CTBP2: variants seen among roughly 807,000 people sequenced by gnomAD.
The protein encoded by CTBP2 is C-terminal binding protein 2.
Under a neutral mutation model 80.3 loss-of-function variants are expected in CTBP2, and 30 were observed. The ratio of observed to expected loss-of-function variants is 0.37; its 90% CI spans 0.28 to 0.51. The LOEUF (loss-of-function observed/expected upper bound fraction) is 0.51. Ranked by LOEUF, CTBP2 falls within the 20% of genes least tolerant of loss-of-function variation. The pLI is 0.93. For synonymous variants in CTBP2, 594 were observed against 587.4 expected, an observed-to-expected ratio of 1.01 and a Z score of -0.16; for missense variants, 1,212 against 1,375.3, an observed-to-expected ratio of 0.88 and a Z score of 1.88.
intron 1 of CTBP2, among the ~76,000 whole-genome samples, chr10:125,128,272 G>A (rs995836899): frequency 6.6e-6 from 1 of 152,196 alleles, no homozygotes; most frequent in Non-Finnish European, 1.5e-5. Context: ...ATGCAAAACA[G>A]TGGGCACAGA....
intron 2 of CTBP2, among the ~76,000 whole-genome samples, chr10:125,068,634 G>A (rs961168529): frequency 2.0e-5 from 3 of 152,200 alleles, no homozygotes; most frequent in African/African-American, 7.2e-5. Flanking sequence ...TGGCCAGGGT[G>A]CAAAGGTCTT....
At position 124,989,515 on chromosome 10, in the gene CTBP2, C is replaced by G. The variant is rs1489337168; in HGVS notation, c.*3G>C. 6.2e-7 allele frequency: 1 copy of G among 1,612,332 alleles called. No homozygotes were observed. The highest frequency in any genetic ancestry group is 8.5e-7 in the Non-Finnish European group (1 of 1,179,770). On this transcript the variant is annotated 3_prime_UTR_variant, in exon 9 of 9. Transcript: ENST00000309035. ...CTGAGTGATTACCTTCTGGCATTCT[C>G]TGCTATTGCTCGTTGGGGTGCTCTC...
At chr10:125,111,824 G>A (rs374959147) in intron 1 of CTBP2, among the ~76,000 whole-genome samples, 20 of 152,276 alleles carry the variant, frequency 1.3e-4, no homozygotes, top group African/African-American at 3.4e-4. Context: ...CTCCTTCTGC[G>A]GCTGATGGGG....
In CTBP2 at chr10:125,027,813, T is replaced by A; in HGVS notation, c.-54A>T. 1.4e-6 allele frequency: 2 copies of A among 1,457,856 alleles called. No individual in the cohort carries two copies. Among genetic ancestry groups the A allele is most frequent in the Non-Finnish European group, 1.8e-6 (2 of 1,107,796 alleles). The allele number at this position is 1,457,856 out of a possible 1,614,324, so 90.3% of individuals were successfully genotyped here. A position where few individuals can be genotyped will look rare whatever the true frequency, so the allele number is the denominator to read the frequency against. On this transcript the variant is annotated 5_prime_UTR_variant, in exon 1 of 9. Coordinates refer to ENST00000309035, the MANE Select transcript of CTBP2 (RefSeq NM_022802.3). ...GAGGAGAAGCTTTTCTTTATAAATC[T>A]TCAATTACATACATCAAAAACAGAC...
chr10:125,093,400 A>G (rs1849076929), intron 2 of CTBP2, among the ~76,000 whole-genome samples: 2 of 152,188 alleles, frequency 1.3e-5, no homozygotes, highest in Admixed American at 6.5e-5. Context: ...ACTTCTTTGT[A>G]TATGTGAAAA....
chr10:125,073,899 C>T (rs1845896237), intron 2 of CTBP2, among the ~76,000 whole-genome samples: 1 of 152,192 alleles, frequency 6.6e-6, no homozygotes, highest in Admixed American at 6.5e-5. Context: ...TCATCTTTCC[C>T]AGGACGGTCT....
chr10:125,003,515 C>A, intron 1 of CTBP2, 23 bp from the exon 4 acceptor site: 1 of 1,528,638 alleles, frequency 6.5e-7, no homozygotes, highest in Non-Finnish European at 8.8e-7. Flanking sequence ...AAGGGGTGAG[C>A]ACAGTGGGTG....
rs148416442 is a variant in CTBP2, at chr10:125,027,277, G to C, written c.483C>G (p.Ala161=). Residue 161 remains alanine, a synonymous_variant, in exon 1 of 9, where the codon GCC becomes GCG. Coordinates refer to ENST00000309035, the MANE Select transcript of CTBP2 (RefSeq NM_022802.3). ...CTCCAGGATCCCGGTACAGGTGACC[G>C]GCGTCCTGCAGGGCAGGTGACCGGC... 1.2e-6 allele frequency: 2 copies of C among 1,613,592 alleles called. No individual in the cohort carries two copies. The highest frequency in any genetic ancestry group is 1.7e-6 in the Non-Finnish European group (2 of 1,179,946).
chr10:125,072,180 C>T (rs935986048), intron 2 of CTBP2, among the ~76,000 whole-genome samples: 6 of 152,088 alleles, frequency 3.9e-5, no homozygotes, highest in African/African-American at 7.2e-5. Flanking sequence ...GGCATGGTGG[C>T]GTGCGCCTGT....
intron 2 of CTBP2, among the ~76,000 whole-genome samples, chr10:125,084,233 G>C (rs1199496750): frequency 4.6e-5 from 7 of 152,358 alleles, no homozygotes; most frequent in Middle Eastern, 3.4e-3. Context: ...GGGATTACAG[G>C]TGTGAGCCAC....
intron 1 of CTBP2, among the ~76,000 whole-genome samples, chr10:125,123,507 A>G (rs1004625134): frequency 6.6e-6 from 1 of 152,198 alleles, no homozygotes; most frequent in Non-Finnish European, 1.5e-5. Flanking sequence ...AATAAGTTTA[A>G]TTTTTAAAAT....
intron 3 of CTBP2, 70 bp downstream of exon 3, chr10:125,038,927 G>C: frequency 6.6e-7 from 1 of 1,506,694 alleles, no homozygotes; most frequent in Non-Finnish European, 9.1e-7. Context: ...GCCAACTCAA[G>C]GGAGCAGCCA....
At chr10:125,023,065 T>C (rs1344630565) in intron 1 of CTBP2, among the ~76,000 whole-genome samples, 1 of 152,196 alleles carries the variant, frequency 6.6e-6, no homozygotes, top group Non-Finnish European at 1.5e-5. Context: ...CCAGCTCTGG[T>C]GACAGGTAAC....
chr10:125,158,535 G>A (rs1591165170), intron 1 of CTBP2: 1 of 152,128 alleles, frequency 6.6e-6, no homozygotes, highest in South Asian at 2.1e-4. Context: ...GAATTCTCTT[G>A]TCTATCCTTC....
At chr10:125,089,290 G>T in intron 2 of CTBP2, among the ~76,000 whole-genome samples, 1 of 152,176 alleles carries the variant, frequency 6.6e-6, no homozygotes, top group East Asian at 1.9e-4. Context: ...AACATCTGGA[G>T]ATTCTAAAGT....
chr10:125,137,204 GGAA>G (rs1035409989), intron 1 of CTBP2, among the ~76,000 whole-genome samples: 6 of 152,238 alleles, frequency 3.9e-5, no homozygotes, highest in Admixed American at 3.3e-4. Flanking sequence ...CAAGACAACA[GGAA>G]GAAGGATGCA....
At chr10:125,148,144 C>G (rs191484774) in intron 1 of CTBP2, among the ~76,000 whole-genome samples, 2 of 152,310 alleles carry the variant, frequency 1.3e-5, no homozygotes, top group African/African-American at 4.8e-5. Flanking sequence ...AGGACCATCT[C>G]TCCTTGGGCC....
At position 125,061,825 on chromosome 10, in the gene CTBP2, C is replaced by T. The variant is rs114815212; in HGVS notation, c.-101-22670G>A. On this transcript the variant is annotated intron_variant, in intron 2 of 10. Coordinates refer to the CTBP2 transcript ENST00000337195. ...TGAGAGGAGCAGCTGTAGCAATAAG[C>T]AGGCTCCCCGGCTCACGGCATCCTG... Among the ~76,000 whole-genome samples, 1,249 of 152,312 alleles carry T rather than the reference C, an allele frequency of 8.2e-3. 19 individuals are homozygous for T. Among genetic ancestry groups the T allele is most frequent in the African/African-American group, 0.029 (1,187 of 41,568 alleles).
At chr10:125,114,708 G>A (rs1852910817) in intron 1 of CTBP2, among the ~76,000 whole-genome samples, 1 of 152,120 alleles carries the variant, frequency 6.6e-6, no homozygotes, top group Non-Finnish European at 1.5e-5. Flanking sequence ...GCTCCTTCCA[G>A]GAGGACTGGG....
Sources: gnomAD v4.1 joint callset for allele counts (sites outside exome capture counted in the v4.1 genomes callset) on GRCh38, gnomAD v4.1.1 for gene constraint, MANE v1.5 for transcripts, NCBI Gene and HGNC (gene_info 2026-07-23, HGNC 2026-07-21) for gene names.